ZNG1A: variants seen among roughly 807,000 people sequenced by gnomAD.
ZNG1A encodes Zn regulated GTPase metalloprotein activator 1A, also known as zinc-regulated GTPase metalloprotein activator 1A.
At chr9:159,645 A>T in the ZNG1A span, among the ~76,000 whole-genome samples, 1 of 151,422 alleles carries the variant, frequency 6.6e-6, no homozygotes, top group African/African-American at 2.4e-5. Flanking sequence ...GAAGGGCTAT[A>T]GGGTGTCCTT....
chr9:140,564 A>G, the ZNG1A span, among the ~76,000 whole-genome samples: 2 of 151,606 alleles, frequency 1.3e-5, no homozygotes, highest in African/African-American at 2.4e-5. Context: ...AAGATGGGGA[A>G]AAAACAGAGC....
the ZNG1A span, among the ~76,000 whole-genome samples, chr9:129,197 G>C: frequency 6.6e-6 from 1 of 152,168 alleles, no homozygotes; most frequent in East Asian, 1.9e-4. Context: ...TGTCAGTTGT[G>C]GTAGTATGGA....
chr9:128,495 T>C, the ZNG1A span, among the ~76,000 whole-genome samples: 1 of 150,292 alleles, frequency 6.7e-6, no homozygotes, highest in East Asian at 2.0e-4. Flanking sequence ...GAGCATTTTA[T>C]ATTTCTATAA....
At chr9:130,494 C>A in the ZNG1A span, among the ~76,000 whole-genome samples, 8,206 of 112,426 alleles carry the variant, frequency 0.073, 751 homozygotes, top group African/African-American at 0.14. Context: ...TAGAGTGGCA[C>A]AATCATGGCT....
chr9:177,705 A>G, the ZNG1A span: 3 of 1,455,384 alleles, frequency 2.1e-6, no homozygotes, highest in Non-Finnish European at 2.8e-6. Flanking sequence ...CATTTTCTCC[A>G]GTGATCTACT....
the ZNG1A span, among the ~76,000 whole-genome samples, chr9:142,075 T>G: frequency 6.9e-6 from 1 of 144,326 alleles, no homozygotes; most frequent in Non-Finnish European, 1.5e-5. Flanking sequence ...AGACTTAGAC[T>G]CCCACACAAT....
chr9:149,951 C>A, the ZNG1A span, among the ~76,000 whole-genome samples: 30 of 148,656 alleles, frequency 2.0e-4, no homozygotes, highest in Admixed American at 1.5e-3. Context: ...CACACTATTC[C>A]TTTTCCTTAC....
the ZNG1A span, among the ~76,000 whole-genome samples, chr9:163,000 T>A: frequency 3.9e-5 from 6 of 151,928 alleles, no homozygotes; most frequent in Non-Finnish European, 8.8e-5. Context: ...AAACTACCAA[T>A]TCATTTTGCA....
chr9:178,366 G>A, the ZNG1A span, among the ~76,000 whole-genome samples: 2 of 151,892 alleles, frequency 1.3e-5, no homozygotes, highest in South Asian at 2.1e-4. Flanking sequence ...CGTGGGGAAG[G>A]GGAATCTACT....
the ZNG1A span, among the ~76,000 whole-genome samples, chr9:139,181 T>C: frequency 6.7e-6 from 1 of 149,802 alleles, no homozygotes; most frequent in African/African-American, 2.5e-5. Flanking sequence ...TGGAATATTA[T>C]TCAGACTTAA....
chr9:138,622 G>C, the ZNG1A span, among the ~76,000 whole-genome samples: 1 of 145,696 alleles, frequency 6.9e-6, no homozygotes, highest in Non-Finnish European at 1.5e-5. Context: ...TATAAGGCTG[G>C]GTGTGGTGGG....
the ZNG1A span, chr9:153,479 TATG>T: frequency 5.7e-4 from 81 of 143,242 alleles, 1 homozygote; most frequent in African/African-American, 2.1e-3. Context: ...AAAGCAAACT[TATG>T]ATAGGCATTA....
At chr9:148,661 GAA>G in the ZNG1A span, 3 of 134,280 alleles carry the variant, frequency 2.2e-5, no homozygotes, top group Non-Finnish European at 4.8e-5. Context: ...AAAAGGGAAA[GAA>G]AAAGCTTCAA....
chr9:121,386 G>T, the ZNG1A span: 88 of 862,954 alleles, frequency 1.0e-4, no homozygotes, highest in Non-Finnish European at 1.3e-4. Flanking sequence ...CGTAACTAAA[G>T]TAATAAATAA....
chr9:161,776 A>C, the ZNG1A span: 11 of 493,136 alleles, frequency 2.2e-5, no homozygotes, highest in Non-Finnish European at 4.1e-5. Flanking sequence ...AGTTAACAAA[A>C]ACATTCATAG....
chr9:156,247 T>C, the ZNG1A span, among the ~76,000 whole-genome samples: 1 of 150,480 alleles, frequency 6.6e-6, no homozygotes, highest in Non-Finnish European at 1.5e-5. Context: ...TCCTCAAAAT[T>C]ACAGAACTCC....
the ZNG1A span, chr9:147,193 A>AG: frequency 7.0e-6 from 1 of 143,782 alleles, no homozygotes; most frequent in Non-Finnish European, 1.5e-5. Context: ...AAAAAAAAAA[A>AG]AAAAGAACAG....
At chr9:139,505 A>AT in the ZNG1A span, among the ~76,000 whole-genome samples, 3 of 151,594 alleles carry the variant, frequency 2.0e-5, no homozygotes, top group Admixed American at 1.3e-4. Context: ...AAGAGGGTAG[A>AT]TCTCATGTTA....
the ZNG1A span, chr9:150,622 T>C: frequency 1.0e-6 from 1 of 982,666 alleles, no homozygotes; most frequent in East Asian, 1.1e-4. Context: ...GATTCTCAGA[T>C]GCACTGGCAA....
Sources: allele counts gnomAD v4.1 joint callset (sites outside exome capture counted in the v4.1 genomes callset), GRCh38; gene constraint gnomAD v4.1.1; transcripts MANE v1.5; gene names NCBI Gene and HGNC (gene_info 2026-07-23, HGNC 2026-07-21).